Variants in WWP1 observed in about 807,000 individuals in gnomAD.
WWP1 encodes NEDD4-like E3 ubiquitin-protein ligase WWP1.
Under a neutral mutation model 130.6 loss-of-function variants are expected in WWP1, and 49 were observed. That is an observed-to-expected ratio of 0.38 (90% CI 0.30 to 0.48). The LOEUF (loss-of-function observed/expected upper bound fraction) is 0.48, where lower values mean the gene tolerates loss of function less well. Ranked by LOEUF, WWP1 falls within the 20% of genes least tolerant of loss-of-function variation. WWP1 has a pLI of 0.99. For synonymous variants in WWP1, 332 were observed against 367.8 expected, an observed-to-expected ratio of 0.90 and a Z score of 1.11; for missense variants, 809 against 1,100.6, an observed-to-expected ratio of 0.74 and a Z score of 3.75.
chr8:86,348,174 GT>G (rs1380083356), intron 1 of WWP1, among the ~76,000 whole-genome samples: 1 of 152,006 alleles, frequency 6.6e-6, no homozygotes, highest in East Asian at 1.9e-4. Context: ...TGGTTTTTAA[GT>G]TATAAGGAAG....
intron 9 of WWP1, among the ~76,000 whole-genome samples, chr8:86,413,204 C>T (rs967562989): frequency 1.3e-5 from 2 of 152,146 alleles, no homozygotes; most frequent in East Asian, 3.9e-4. Flanking sequence ...CTACTTTTCC[C>T]TCTTCTGTTT....
chr8:86,360,810 C>T (rs1823549902), intron 1 of WWP1, among the ~76,000 whole-genome samples: 1 of 152,104 alleles, frequency 6.6e-6, no homozygotes, highest in South Asian at 2.1e-4. Context: ...ATTACTAGGA[C>T]AGATAAAATA....
intron 11 of WWP1, among the ~76,000 whole-genome samples, chr8:86,429,491 CATT>C (rs1487073718): frequency 5.3e-5 from 8 of 151,990 alleles, no homozygotes; most frequent in East Asian, 1.9e-4. Context: ...TTATATTTGT[CATT>C]ATTATAGAAT....
chr8:86,396,189 C>T (rs758903097), intron 5 of WWP1, among the ~76,000 whole-genome samples: 7 of 151,952 alleles, frequency 4.6e-5, no homozygotes, highest in Non-Finnish European at 1.0e-4. Flanking sequence ...ACTTCCACCT[C>T]CCGAATTCAA....
chr8:86,452,519 A>C, intron 20 of WWP1, 40 bp from the exon 21 acceptor site: 7 of 1,543,540 alleles, frequency 4.5e-6, no homozygotes, highest in Non-Finnish European at 5.3e-6. Flanking sequence ...TTTACTTCAC[A>C]TATAAATTAC....
intron 11 of WWP1, among the ~76,000 whole-genome samples, chr8:86,428,309 T>A (rs1809744823): frequency 6.6e-6 from 1 of 152,186 alleles, no homozygotes; most frequent in Non-Finnish European, 1.5e-5. Flanking sequence ...AAAAATCTAA[T>A]GCTGTCTGAA....
chr8:86,377,424 T>A (rs924962667), intron 3 of WWP1, among the ~76,000 whole-genome samples: 1 of 152,094 alleles, frequency 6.6e-6, no homozygotes, highest in Admixed American at 6.5e-5. Context: ...AAACAGTAAG[T>A]ACTCAGATTA....
chr8:86,464,868 CCT>C (rs1483376621), intron 24 of WWP1, among the ~76,000 whole-genome samples: 1 of 152,034 alleles, frequency 6.6e-6, no homozygotes, highest in Non-Finnish European at 1.5e-5. Context: ...AATTTGAAGA[CCT>C]CTGCCTTCAA....
At chr8:86,454,610 C>T (rs1811341605) in intron 21 of WWP1, among the ~76,000 whole-genome samples, 1 of 152,070 alleles carries the variant, frequency 6.6e-6, no homozygotes, top group Non-Finnish European at 1.5e-5. Context: ...AATTCATACA[C>T]CTAAATATTC....
At position 86,364,870 on chromosome 8, in the gene WWP1, G is replaced by GAGAA. The variant is rs1403219008; in HGVS notation, c.-114-4057_-114-4054dup. ...GAGAGAGAGAGAGAAAGAAGAAAGA[G>GAGAA]AGAAAGAAAGAAAGAGAGAAAATAA... On this transcript the variant is annotated intron_variant, in intron 1 of 24. Coordinates refer to ENST00000517970, the MANE Select transcript of WWP1 (RefSeq NM_007013.4). Among the ~76,000 whole-genome samples, 62 of 151,006 alleles carry GAGAA rather than the reference G, an allele frequency of 4.1e-4. No individual in the cohort carries two copies. The South Asian group carries it at 0.012, about 29-fold the overall frequency.
In WWP1 at chr8:86,430,759, G is replaced by GT. The variant is rs1809893557; in HGVS notation, c.1387+13dup. The GT allele has an allele frequency of 6.6e-7, 1 of 1,522,648 alleles. No individual in the cohort carries two copies. Among genetic ancestry groups the GT allele is most frequent in the East Asian group, 2.5e-5 (1 of 39,260 alleles). 94.3% of individuals were successfully genotyped at this position (1,522,648 alleles called of 1,614,324 possible). On this transcript the variant is annotated intron_variant, in intron 12 of 24. Coordinates refer to ENST00000517970, the MANE Select transcript of WWP1 (RefSeq NM_007013.4). ...CTTTGCCACCAGGCTGGGGTAAGCT[G>GT]TTTTTGCTAATGATCTATAAGGGAG... is the stretch of plus-strand genomic sequence containing the variant.
At chr8:86,416,908 C>T (rs1309008081) in intron 9 of WWP1, among the ~76,000 whole-genome samples, 1 of 152,104 alleles carries the variant, frequency 6.6e-6, no homozygotes, top group African/African-American at 2.4e-5. Context: ...CCCCCTTTAC[C>T]CCTGTACCAC....
At chr8:86,446,623 A>G (rs1810897263) in intron 18 of WWP1, among the ~76,000 whole-genome samples, 1 of 152,172 alleles carries the variant, frequency 6.6e-6, no homozygotes. Flanking sequence ...TATTTAATCC[A>G]TCTTGAGTTA....
chr8:86,445,066 A>G (rs1214737016), intron 18 of WWP1, among the ~76,000 whole-genome samples: 2 of 152,090 alleles, frequency 1.3e-5, no homozygotes, highest in Non-Finnish European at 2.9e-5. Flanking sequence ...TCACATGATG[A>G]GAGAGGAAGC....
intron 24 of WWP1, among the ~76,000 whole-genome samples, chr8:86,463,293 G>T (rs1274045766): frequency 6.6e-6 from 1 of 152,000 alleles, no homozygotes; most frequent in Admixed American, 6.6e-5. Context: ...GATGAGATTA[G>T]TGGGGTTTTT....
Position 86,431,491 on chromosome 8 carries a change from G to A in WWP1, c.1472+1G>A, listed in dbSNP as rs1176229806. ...AGTGGGAAGATCCAAGAACTCAAGG[G>A]TATGTATATACAGCAGCCTTAAGTC... On this transcript the variant is annotated splice_donor_variant, in intron 13 of 24. Coordinates refer to ENST00000517970, the MANE Select transcript of WWP1 (RefSeq NM_007013.4). LOFTEE classifies it high-confidence loss of function. 1 of 1,612,030 alleles carries A rather than the reference G, an allele frequency of 6.2e-7. No individual in the cohort carries two copies. The highest frequency in any genetic ancestry group is 8.5e-7 in the Non-Finnish European group (1 of 1,179,020).
chr8:86,463,451 C>T (rs73273124), intron 24 of WWP1, among the ~76,000 whole-genome samples: 4 of 151,568 alleles, frequency 2.6e-5, no homozygotes, highest in Admixed American at 2.0e-4. Flanking sequence ...GGATTATAGG[C>T]GCGCACCACC....
intron 8 of WWP1, 105 bp downstream of exon 8, chr8:86,402,308 C>T (rs568827051): frequency 8.7e-5 from 118 of 1,357,238 alleles, no homozygotes; most frequent in Middle Eastern, 3.8e-4. Flanking sequence ...TTTTTTGAGA[C>T]GGAGTCTCGC....
intron 5 of WWP1, among the ~76,000 whole-genome samples, chr8:86,386,413 TTTATGTTC>T (rs1825290031): frequency 6.6e-6 from 1 of 151,112 alleles, no homozygotes; most frequent in Non-Finnish European, 1.5e-5. Context: ...ATTTTATCAT[TTTATGTTC>T]CACTCATATA....
Sources: gnomAD v4.1 joint callset for allele counts (sites outside exome capture counted in the v4.1 genomes callset) on GRCh38, gnomAD v4.1.1 for gene constraint, MANE v1.5 for transcripts, NCBI Gene and HGNC (gene_info 2026-07-23, HGNC 2026-07-21) for gene names.